PRKCQ: variants seen among roughly 807,000 people sequenced by gnomAD.
The protein encoded by PRKCQ is protein kinase C theta.
A neutral mutation model predicts 91.2 loss-of-function variants in PRKCQ; 41 were observed. The ratio of observed to expected loss-of-function variants is 0.45; its 90% confidence interval spans 0.35 to 0.58. PRKCQ has a LOEUF of 0.58. Ranked by LOEUF, PRKCQ falls within the 20% of genes least tolerant of loss-of-function variation. PRKCQ has a pLI of 0.00. For synonymous variants in PRKCQ, 307 were observed against 316.9 expected, an observed-to-expected ratio of 0.97 and a Z score of 0.33; for missense variants, 673 against 896.5, an observed-to-expected ratio of 0.75 and a Z score of 3.18.
chr10:6,453,579 C>T (rs1834830859), intron 15 of PRKCQ, among the ~76,000 whole-genome samples: 1 of 152,138 alleles, frequency 6.6e-6, no homozygotes, highest in Non-Finnish European at 1.5e-5. Context: ...GGTATATACC[C>T]AAAGGACTAG....
chr10:6,540,246 T>C (rs1839726775), intron 1 of PRKCQ, among the ~76,000 whole-genome samples: 1 of 152,214 alleles, frequency 6.6e-6, no homozygotes, highest in Non-Finnish European at 1.5e-5. Context: ...CAATATAAAA[T>C]GTATCATGCT....
At chr10:6,483,722 G>T in intron 10 of PRKCQ, 122 bp from the exon 11 acceptor site, 1 of 1,138,546 alleles carries the variant, frequency 8.8e-7, no homozygotes, top group Non-Finnish European at 1.2e-6. Flanking sequence ...AATTGGGGGT[G>T]TTTAGAGGGT....
At chr10:6,507,645 G>T in intron 3 of PRKCQ, 149 bp from the exon 4 acceptor site, 2 of 677,618 alleles carry the variant, frequency 3.0e-6, no homozygotes, top group Non-Finnish European at 5.2e-6. Context: ...ATTGTCATCA[G>T]ACGACTGTAG....
Position 6,569,924 on chromosome 10 carries a change from G to A in PRKCQ, c.-10+10287C>T, listed in dbSNP as rs1008791266. On this transcript the variant is annotated intron_variant, in intron 1 of 17. Transcript: ENST00000263125. ...AAGGATCTGGGGCAGTCATGACTGGGTCACAGTCAGCGAGGAGATAGGTAT... is the reference window on the plus strand; with the variant it reads ...AAGGATCTGGGGCAGTCATGACTGGATCACAGTCAGCGAGGAGATAGGTAT... 7.2e-5 allele frequency among the ~76,000 whole-genome samples: 11 copies of A among 152,134 alleles called. No homozygotes were observed. The South Asian group carries it at 8.3e-4, about 11-fold the overall frequency.
intron 1 of PRKCQ, among the ~76,000 whole-genome samples, chr10:6,578,475 C>G (rs572312138): frequency 1.3e-5 from 2 of 152,340 alleles, no homozygotes; most frequent in East Asian, 3.9e-4. Flanking sequence ...CAGCAGGTTA[C>G]TCTTGAAATC....
intron 16 of PRKCQ, among the ~76,000 whole-genome samples, chr10:6,440,749 G>C (rs1002402057): frequency 6.6e-6 from 1 of 152,184 alleles, no homozygotes; most frequent in Non-Finnish European, 1.5e-5. Flanking sequence ...AGCACTTTGG[G>C]AGGCCGAGGC....
At chr10:6,446,401 T>C (rs1178477302) in intron 15 of PRKCQ, among the ~76,000 whole-genome samples, 7 of 145,248 alleles carry the variant, frequency 4.8e-5, no homozygotes, top group Non-Finnish European at 8.9e-5. Flanking sequence ...GTCTCGCTTA[T>C]GTTGGCCAGG....
At chr10:6,440,674 G>C (rs892072686) in intron 16 of PRKCQ, among the ~76,000 whole-genome samples, 5 of 152,134 alleles carry the variant, frequency 3.3e-5, no homozygotes, top group Non-Finnish European at 5.9e-5. Context: ...GGAAGCAGGA[G>C]TCCCAGCTTT....
chr10:6,494,064 C>T (rs1034243909), intron 7 of PRKCQ, among the ~76,000 whole-genome samples: 2 of 152,170 alleles, frequency 1.3e-5, no homozygotes, highest in Admixed American at 1.3e-4. Context: ...CATAGATCTT[C>T]CTTTTTCCTC....
At chr10:6,458,741 G>A (rs1835162812) in intron 14 of PRKCQ, among the ~76,000 whole-genome samples, 2 of 152,086 alleles carry the variant, frequency 1.3e-5, no homozygotes, top group South Asian at 2.1e-4. Context: ...GTCCTGTAAC[G>A]TCCAATGAGA....
intron 7 of PRKCQ, among the ~76,000 whole-genome samples, chr10:6,492,773 C>A (rs1319001118): frequency 2.0e-5 from 3 of 152,124 alleles, no homozygotes; most frequent in Non-Finnish European, 2.9e-5. Flanking sequence ...TGTGAATATT[C>A]TTGTGCAGGA....
intron 1 of PRKCQ, among the ~76,000 whole-genome samples, chr10:6,562,101 C>G (rs1468264364): frequency 1.3e-5 from 2 of 151,976 alleles, no homozygotes; most frequent in East Asian, 3.9e-4. Flanking sequence ...TCTGGAGATA[C>G]CGGAAAGGAA....
chr10:6,404,387 TTTC>T, the PRKCQ span, among the ~76,000 whole-genome samples: 3 of 58,164 alleles, frequency 5.2e-5, no homozygotes, highest in Non-Finnish European at 1.4e-4. Flanking sequence ...TCTTTCGTTC[TTTC>T]TTTTCTTTCT....
intron 1 of PRKCQ, among the ~76,000 whole-genome samples, chr10:6,569,471 A>G (rs552058713): frequency 6.6e-6 from 1 of 152,226 alleles, no homozygotes; most frequent in East Asian, 1.9e-4. Flanking sequence ...AATCCACATC[A>G]GGGAGGCTGG....
chr10:6,492,670 A>G (rs1837386104), intron 7 of PRKCQ, among the ~76,000 whole-genome samples: 2 of 152,230 alleles, frequency 1.3e-5, no homozygotes, highest in Admixed American at 1.3e-4. Flanking sequence ...AGTGATCGAC[A>G]TGGAATTTTT....
At chr10:6,455,649 C>T (rs1050858896) in intron 15 of PRKCQ, among the ~76,000 whole-genome samples, 3 of 152,206 alleles carry the variant, frequency 2.0e-5, no homozygotes, top group Non-Finnish European at 4.4e-5. Flanking sequence ...AACACCTGCA[C>T]TAGGTCCTTA....
intron 1 of PRKCQ, among the ~76,000 whole-genome samples, chr10:6,551,961 T>C (rs146783605): frequency 5.4e-4 from 82 of 152,342 alleles, no homozygotes; most frequent in South Asian, 1.0e-3. Flanking sequence ...TTCCATTTTC[T>C]CCACAACCTT....
chr10:6,410,087 G>A, the PRKCQ span, among the ~76,000 whole-genome samples: 1 of 152,066 alleles, frequency 6.6e-6, no homozygotes, highest in African/African-American at 2.4e-5. Context: ...ACTGCTCAAC[G>A]AATGTCTCCA....
intron 7 of PRKCQ, among the ~76,000 whole-genome samples, chr10:6,492,908 C>T (rs1375556524): frequency 6.6e-6 from 1 of 152,164 alleles, no homozygotes; most frequent in Non-Finnish European, 1.5e-5. Context: ...AACGTTCCCG[C>T]CAGGGGTACT....
Sources: allele counts gnomAD v4.1 joint callset (sites outside exome capture counted in the v4.1 genomes callset), GRCh38; gene constraint gnomAD v4.1.1; transcripts MANE v1.5; gene names NCBI Gene and HGNC (gene_info 2026-07-23, HGNC 2026-07-21).